The following LIMK1 variants were observed in gnomAD, a reference collection of about 807,000 sequenced individuals.
LIMK1 encodes the protein LIM domain kinase 1, also known as LIM motif-containing protein kinase.
LIMK1 carries 21 observed loss-of-function variants against 77.6 expected under a neutral mutation model. That is an observed-to-expected ratio of 0.27 (90% confidence interval 0.19 to 0.39). The LOEUF is 0.39. LIMK1 is among the 10% of genes least tolerant of loss of function. LIMK1 has a pLI of 1.00. For missense variants in LIMK1, 696 were observed against 901.6 expected, an observed-to-expected ratio of 0.77 and a Z score of 2.92; for synonymous variants, 358 against 370.0, an observed-to-expected ratio of 0.97 and a Z score of 0.37.
rs140402070 is a variant in LIMK1 at position 74,117,226 on chromosome 7, C to T, written c.1567+1268C>T. Among the ~76,000 whole-genome samples the T allele has an allele frequency of 2.7e-3, 418 of 152,138 alleles. 3 individuals are homozygous for T. Among genetic ancestry groups the T allele is most frequent in the African/African-American group, 9.7e-3 (404 of 41,512 alleles). On this transcript the variant is annotated intron_variant, in intron 13 of 15. Coordinates refer to ENST00000336180, the MANE Select transcript of LIMK1 (RefSeq NM_002314.4). ...GAGACGGGGGTATCACTATGTTGCC[C>T]AGGCTGGTCTCAAACTCCTGGCTTC...
In LIMK1 at chr7:74,106,085, G is replaced by A. The variant is rs1554697438; in HGVS notation, c.723G>A (p.Leu241=). Residue 241 remains leucine (L), a synonymous_variant, in exon 7 of 16, where the codon CTG becomes CTA. Coordinates refer to ENST00000336180, the MANE Select transcript of LIMK1 (RefSeq NM_002314.4). The part of the protein sequence containing the change: ...IRNVPLDEID[L]LIQETSRLLQ... ...ATGCCTGCTGTCCCCAGATTGACCT[G>A]CTGATTCAGGAAACCAGCCGCCTGC... 1 of 1,614,004 alleles carries A rather than the reference G, an allele frequency of 6.2e-7. No individual in the cohort carries two copies. The highest frequency in any genetic ancestry group is 1.7e-5 in the Admixed American group (1 of 60,004).
intron 15 of LIMK1, 21 bp downstream of exon 15, chr7:74,121,070 G>T: frequency 6.3e-7 from 1 of 1,594,750 alleles, no homozygotes; most frequent in Non-Finnish European, 8.6e-7. Flanking sequence ...TGGGGCCCTG[G>T]CCTGGGAGAC....
intron 9 of LIMK1, 55 bp from the exon 10 acceptor site, chr7:74,108,850 C>T: frequency 1.3e-6 from 2 of 1,588,070 alleles, no homozygotes; most frequent in Non-Finnish European, 8.6e-7. Flanking sequence ...GAAGCAGACC[C>T]AAGCACAGCT....
chr7:74,096,487 A>G (rs1799338753), intron 2 of LIMK1, 135 bp from the exon 3 acceptor site: 2 of 1,172,076 alleles, frequency 1.7e-6, no homozygotes, highest in African/African-American at 1.5e-5. Flanking sequence ...GCGACAGAGC[A>G]AGACTCCGTC....
chr7:74,088,662 C>T (rs1261593388), intron 2 of LIMK1, among the ~76,000 whole-genome samples: 3 of 151,874 alleles, frequency 2.0e-5, no homozygotes, highest in Non-Finnish European at 4.4e-5. Flanking sequence ...ATTAGCCAGG[C>T]ATGGTGGCAC....
At position 74,115,810 on chromosome 7, in the gene LIMK1, T is replaced by C. The variant is rs149578837; in HGVS notation, c.1419T>C (p.Asn473=). 4 of 1,613,948 alleles carry C rather than the reference T, an allele frequency of 2.5e-6. No homozygotes were observed. Among genetic ancestry groups the C allele is most frequent in the Middle Eastern group, 1.7e-4 (1 of 6,060 alleles). ...SHNCLVRENK[N]VVVADFGLAR... ...CGGCTTCACCTTCCCAGAACAAGAA[T>C]GTGGTGGTGGCTGACTTCGGGCTGG... is the stretch of plus-strand genomic sequence containing the variant. The change falls in exon 13 of 16, where the codon AAT becomes AAC. Residue 473 remains asparagine, a synonymous_variant. Transcript: ENST00000336180.
At chr7:74,105,406 A>G (rs1479978155) in intron 5 of LIMK1, among the ~76,000 whole-genome samples, 2 of 151,798 alleles carry the variant, frequency 1.3e-5, no homozygotes, top group African/African-American at 4.8e-5. Context: ...CCAGCTACTC[A>G]GGAGGCTGAG....
In LIMK1 at chr7:74,121,362, T is replaced by G; in HGVS notation, c.*61T>G. The G allele has an allele frequency of 6.9e-7, 1 of 1,442,778 alleles. No individual in the cohort carries two copies. Among genetic ancestry groups the G allele is most frequent in the Non-Finnish European group, 9.2e-7 (1 of 1,083,422 alleles). 89.4% of individuals were successfully genotyped at this position (1,442,778 alleles called of 1,614,324 possible). A position where few individuals can be genotyped will look rare whatever the true frequency, so the allele number is the denominator to read the frequency against. The stretch of plus-strand genomic sequence containing the variant: ...GGAGAATCCACCCCCACCAGATTCC[T>G]CCGCGGGAGGTGGCCCTCAGCTGGG... On this transcript the variant is annotated 3_prime_UTR_variant, in exon 16 of 16. Coordinates refer to ENST00000336180, the MANE Select transcript of LIMK1 (RefSeq NM_002314.4).
chr7:74,097,217 T>G, intron 4 of LIMK1, 28 bp downstream of exon 4: 1 of 1,446,906 alleles, frequency 6.9e-7, no homozygotes, highest in Non-Finnish European at 9.5e-7. Flanking sequence ...TCCCTGAGCC[T>G]AGGAGGCCCA....
chr7:74,114,765 A>G (rs1490144138), intron 12 of LIMK1, among the ~76,000 whole-genome samples: 1 of 151,686 alleles, frequency 6.6e-6, no homozygotes, highest in Non-Finnish European at 1.5e-5. Context: ...AATACAAAAA[A>G]TTAGCTGGGC....
In LIMK1 at chr7:74,115,975, T is replaced by C; in HGVS notation, c.1567+17T>C. On this transcript the variant is annotated intron_variant, in intron 13 of 15. Coordinates refer to ENST00000336180, the MANE Select transcript of LIMK1 (RefSeq NM_002314.4). ...TGATCAACGGTGAGTGGTTCAGCCC[T>C]GCCCATCATGGCCCTCACGGGAAGC... The C allele has an allele frequency of 6.2e-7, 1 of 1,606,064 alleles. No homozygotes were observed. The highest frequency in any genetic ancestry group is 8.5e-7 in the Non-Finnish European group (1 of 1,173,686).
chr7:74,098,214 G>A (rs2115666921), intron 4 of LIMK1, among the ~76,000 whole-genome samples: 1 of 152,286 alleles, frequency 6.6e-6, no homozygotes, highest in Admixed American at 6.5e-5. Context: ...TCTTTGCGGG[G>A]CTGAGTCATC....
chr7:74,102,482 C>CTATTTTT (rs782517343), intron 5 of LIMK1, among the ~76,000 whole-genome samples: 1 of 25,736 alleles, frequency 3.9e-5, no homozygotes, highest in South Asian at 1.8e-3. Flanking sequence ...GAAGGACCTT[C>CTATTTTT]TCTTTTTTTT....
rs114966632 is a variant in LIMK1 at position 74,105,886 on chromosome 7, G to A, written c.620G>A (p.Gly207Asp). 1.2e-4 allele frequency: 194 copies of A among 1,613,642 alleles called. 1 individual carries two copies. The African/African-American group carries it at 2.4e-3, about 20-fold the overall frequency. ...HTVRVQGVDP[G>D]CMSPDVKNSI... ...TGCCTTACCCACAGAGTGGATCCGG[G>A]CTGCATGAGCCCAGATGTGAAGAAT... Residue 207 changes from glycine to aspartate, a missense_variant, in exon 6 of 16, where the codon GGC becomes GAC. Around this residue, in one of 3 missense-constraint regions of LIMK1, gnomAD observed 252 missense variants for 279.4 expected, o/e 0.90. Transcript: ENST00000336180.
chr7:74,118,205 T>C (rs976962111), intron 13 of LIMK1, among the ~76,000 whole-genome samples: 2 of 150,148 alleles, frequency 1.3e-5, no homozygotes, highest in African/African-American at 2.5e-5. Context: ...TGAAACCCCA[T>C]CTCTACTAAA....
chr7:74,101,575 C>T (rs933478229), intron 5 of LIMK1, among the ~76,000 whole-genome samples: 1 of 152,268 alleles, frequency 6.6e-6, no homozygotes, highest in East Asian at 1.9e-4. Flanking sequence ...AAGCATTCGC[C>T]CAGCCAACAT....
intron 13 of LIMK1, among the ~76,000 whole-genome samples, chr7:74,118,398 A>ACACG (rs1236374333): frequency 3.3e-5 from 5 of 150,200 alleles, no homozygotes; most frequent in Non-Finnish European, 5.9e-5. Context: ...ACACACACAC[A>ACACG]CACACACACA....
Position 74,093,192 on chromosome 7 carries a change from G to A in LIMK1, c.153-3430G>A, listed in dbSNP as rs1799271549. 3.3e-6 allele frequency: 5 copies of A among 1,530,766 alleles called. No individual in the cohort carries two copies. In the Admixed American group the frequency reaches 5.9e-5, roughly 18 times the overall value. 94.8% of individuals were successfully genotyped at this position (1,530,766 alleles called of 1,614,324 possible). A position where few individuals can be genotyped will look rare whatever the true frequency, so the allele number is the denominator to read the frequency against. On this transcript the variant is annotated intron_variant, in intron 2 of 15. Coordinates refer to ENST00000336180, the MANE Select transcript of LIMK1 (RefSeq NM_002314.4). ...CCTGAGGGAGGATGGGGAAGCAGCT[G>A]GTCTGGCCACCCCTGCCCTCCCTTA...
At chr7:74,120,456 C>T (rs1447004474) in intron 13 of LIMK1, 127 bp from the exon 14 acceptor site, 3 of 943,570 alleles carry the variant, frequency 3.2e-6, no homozygotes, top group Admixed American at 1.8e-5. Context: ...ATAGAGGTTG[C>T]CGGCATCTGC....
Sources: gnomAD v4.1 joint callset for allele counts (sites outside exome capture counted in the v4.1 genomes callset) on GRCh38, gnomAD v4.1.1 for gene constraint, gnomAD v4.1.1 regional missense constraint, MANE v1.5 for transcripts, NCBI Gene and HGNC (gene_info 2026-07-23, HGNC 2026-07-21) for gene names.